Variants in PCDH15 observed in about 807,000 individuals in gnomAD.
PCDH15 encodes the protein protocadherin related 15, also known as protocadherin-15.
In PCDH15, 129 loss-of-function variants were observed where a neutral mutation model predicts 178.5. That is an observed-to-expected ratio of 0.72 (90% CI 0.63 to 0.84). The LOEUF (loss-of-function observed/expected upper bound fraction) is 0.84. Among genes scored for constraint, PCDH15 ranks in the 40% least tolerant of loss-of-function variants. PCDH15 has a pLI of 0.00. For synonymous variants in PCDH15, 800 were observed against 732.0 expected (o/e 1.09, Z -1.50); for missense variants, 2,230 against 2,099.9 (o/e 1.06, Z -1.21).
chr10:55,400,041 T>G (rs994750626), intron 2 of PCDH15, among the ~76,000 whole-genome samples: 2 of 152,152 alleles, frequency 1.3e-5, no homozygotes, highest in African/African-American at 2.4e-5. Flanking sequence ...GGGTATAATT[T>G]ATTAACAATC....
Position 53,806,660 on chromosome 10 carries a change from A to G in PCDH15, c.5142T>C (p.His1714=), listed in dbSNP as rs750805092. 23 of 1,613,720 alleles carry G rather than the reference A, an allele frequency of 1.4e-5. No homozygotes were observed. The African/African-American group carries it at 2.8e-4, about 20-fold the overall frequency. Residue 1714 remains histidine, a synonymous_variant, in exon 38 of 38, where the codon CAT becomes CAC. Transcript: ENST00000644397. ...SKNIKEALEF[H]SDHTQSDDEE... ...CATCATCAGACTGTGTGTGGTCACT[A>G]TGAAATTCCAAAGCCTCCTTGATGT...
intron 2 of PCDH15, among the ~76,000 whole-genome samples, chr10:55,374,839 A>C (rs1236981411): frequency 1.3e-5 from 2 of 152,108 alleles, no homozygotes; most frequent in African/African-American, 2.4e-5. Flanking sequence ...TTCCATAAAT[A>C]TGATTTGAAT....
Position 53,825,270 on chromosome 10 carries a change from CA to C in PCDH15, c.4367+2122del, listed in dbSNP as rs11331853. 64,481 of 1,051,030 alleles carry C rather than the reference CA, an allele frequency of 0.061. 2,365 individuals carry two copies. The highest frequency in any genetic ancestry group is 0.1 in the African/African-American group (6,175 of 60,168). The allele number at this position is 1,051,030 out of a possible 1,614,324, so 65.1% of individuals were successfully genotyped here. ...TTAAACAAACACTTAGTACGTATAT[CA>C]AAAAAAAGGCATGTTTTTATATTTT... On this transcript the variant is annotated intron_variant, in intron 32 of 37. Coordinates refer to ENST00000644397, the MANE Select transcript of PCDH15 (RefSeq NM_001384140.1).
chr10:54,086,786 A>G (rs1356710900), intron 16 of PCDH15, among the ~76,000 whole-genome samples: 1 of 152,178 alleles, frequency 6.6e-6, no homozygotes, highest in Non-Finnish European at 1.5e-5. Flanking sequence ...TCCTGGAAGC[A>G]GTTTGTGTCT....
intron 2 of PCDH15, among the ~76,000 whole-genome samples, chr10:55,436,844 G>A (rs960950): frequency 0.038 from 5,759 of 152,184 alleles, 360 homozygotes; most frequent in African/African-American, 0.13. Flanking sequence ...TACTGTGCTT[G>A]AAAAATTCCG....
chr10:54,669,316 A>T (rs1590946206), intron 1 of PCDH15, among the ~76,000 whole-genome samples: 1 of 151,712 alleles, frequency 6.6e-6, no homozygotes, highest in South Asian at 2.1e-4. Context: ...CTTCTAGATC[A>T]TATTATATTT....
At chr10:55,068,368 C>A (rs1046183680) in intron 2 of PCDH15, among the ~76,000 whole-genome samples, 2 of 151,994 alleles carry the variant, frequency 1.3e-5, no homozygotes, top group Non-Finnish European at 2.9e-5. Context: ...GTCCTTTCCC[C>A]AGTGAATTTT....
intron 35 of PCDH15, 129 bp from the exon 36 acceptor site, chr10:53,811,748 T>A: frequency 5.8e-6 from 3 of 517,184 alleles, no homozygotes; most frequent in Admixed American, 3.8e-5. Flanking sequence ...TAAATACAAG[T>A]GTCAGTTAAA....
chr10:54,904,779 C>T (rs1433656809), intron 2 of PCDH15, among the ~76,000 whole-genome samples: 1 of 151,680 alleles, frequency 6.6e-6, no homozygotes, highest in Non-Finnish European at 1.5e-5. Flanking sequence ...TGCCCCACTT[C>T]CTTAACTCTA....
At chr10:54,770,047 A>G (rs1948920643) in intron 1 of PCDH15, among the ~76,000 whole-genome samples, 1 of 152,146 alleles carries the variant, frequency 6.6e-6, no homozygotes, top group South Asian at 2.1e-4. Flanking sequence ...ACGCATTTTA[A>G]CGGCTTAATA....
chr10:55,349,582 T>A (rs1292168051), intron 2 of PCDH15, among the ~76,000 whole-genome samples: 3 of 152,050 alleles, frequency 2.0e-5, no homozygotes, highest in Non-Finnish European at 4.4e-5. Context: ...ACATAACATA[T>A]TGTGTAATGA....
chr10:54,197,064 G>C (rs1361750001), intron 10 of PCDH15, among the ~76,000 whole-genome samples: 1 of 151,982 alleles, frequency 6.6e-6, no homozygotes, highest in Non-Finnish European at 1.5e-5. Flanking sequence ...CCCACTGACC[G>C]TCCCCAAAAG....
At chr10:55,599,997 G>T in intron 2 of PCDH15, 1 of 1,373,448 alleles carries the variant, frequency 7.3e-7, no homozygotes, top group Non-Finnish European at 9.6e-7. Flanking sequence ...AGACCCTGTG[G>T]AGCTTGAATT....
At chr10:54,555,596 G>T (rs186480561) in intron 2 of PCDH15, among the ~76,000 whole-genome samples, 75 of 151,710 alleles carry the variant, frequency 4.9e-4, no homozygotes, top group Admixed American at 1.1e-3. Flanking sequence ...AATTGGCCGG[G>T]TGTGGTGGCA....
intron 28 of PCDH15, among the ~76,000 whole-genome samples, chr10:53,847,197 G>A (rs1292307773): frequency 2.6e-5 from 4 of 151,956 alleles, no homozygotes; most frequent in Admixed American, 1.3e-4. Context: ...AATATGAAGC[G>A]TGTCATAAAT....
chr10:55,292,021 T>C (rs184552667), intron 1 of PCDH15, among the ~76,000 whole-genome samples: 88 of 152,260 alleles, frequency 5.8e-4, no homozygotes, highest in Non-Finnish European at 1.1e-3. Context: ...AGATAAGATT[T>C]GGGCAGGAAC....
intron 2 of PCDH15, among the ~76,000 whole-genome samples, chr10:54,570,829 C>CT (rs71010390): frequency 4.1e-5 from 6 of 147,726 alleles, no homozygotes; most frequent in Admixed American, 3.4e-4. Context: ...TTTTTTTTTT[C>CT]TTTTTTTTTT....
chr10:54,030,882 G>A (rs763883528), intron 18 of PCDH15, among the ~76,000 whole-genome samples: 18 of 150,644 alleles, frequency 1.2e-4, no homozygotes, highest in South Asian at 2.1e-4. Flanking sequence ...TTTCTTTCTC[G>A]CCTATACAGC....
chr10:54,247,881 A>AAATATAT (rs1260841226), intron 8 of PCDH15, among the ~76,000 whole-genome samples: 6 of 148,494 alleles, frequency 4.0e-5, no homozygotes, highest in African/African-American at 7.4e-5. Flanking sequence ...AAAAAAAAGA[A>AAATATAT]ATATGTATAT....
Sources: gnomAD v4.1 joint callset for allele counts (sites outside exome capture counted in the v4.1 genomes callset) on GRCh38, gnomAD v4.1.1 for gene constraint, MANE v1.5 for transcripts, NCBI Gene and HGNC (gene_info 2026-07-23, HGNC 2026-07-21) for gene names.